SLC38A8: variants seen among roughly 807,000 people sequenced by gnomAD.
The protein encoded by SLC38A8 is amino acid transporter SLC38A8.
In SLC38A8, 65 loss-of-function variants were observed where a neutral mutation model predicts 46.0. That is an observed-to-expected ratio of 1.41 (90% CI 1.16 to 1.74). The LOEUF (loss-of-function observed/expected upper bound fraction) is 1.74. Ranked by LOEUF, SLC38A8 falls within the 40% of genes most tolerant of loss-of-function variation. The pLI, the probability that SLC38A8 is intolerant of heterozygous loss-of-function variation, is 0.00. For missense variants in SLC38A8, 998 were observed against 567.9 expected (o/e 1.76, Z -7.70); for synonymous variants, 447 against 243.7 (o/e 1.83, Z -7.77).
At chr16:84,013,388 C>T (rs1298802918) in intron 9 of SLC38A8, among the ~76,000 whole-genome samples, 4 of 150,032 alleles carry the variant, frequency 2.7e-5, no homozygotes, top group Non-Finnish European at 4.4e-5. Context: ...TGCTCGGCAA[C>T]TGGCAGCTAC....
chr16:84,023,844 A>G (rs2085126106), intron 6 of SLC38A8, among the ~76,000 whole-genome samples: 1 of 152,232 alleles, frequency 6.6e-6, no homozygotes, highest in Non-Finnish European at 1.5e-5. Flanking sequence ...CAGTGAGCCA[A>G]GATCGTGCCA....
At chr16:84,011,351 G>A (rs1419559238) in intron 10 of SLC38A8, among the ~76,000 whole-genome samples, 1 of 152,204 alleles carries the variant, frequency 6.6e-6, no homozygotes, top group African/African-American at 2.4e-5. Context: ...GCGGCTTAGG[G>A]GGTTACCAGA....
At chr16:84,035,144 C>G (rs564092702) in intron 3 of SLC38A8, among the ~76,000 whole-genome samples, 30 of 152,310 alleles carry the variant, frequency 2.0e-4, no homozygotes, top group African/African-American at 7.0e-4. Flanking sequence ...TCAGGGGGCT[C>G]CGCTCCCAGT....
intron 9 of SLC38A8, 146 bp from the exon 10 acceptor site, chr16:84,013,198 C>T (rs2084974934): frequency 1.3e-6 from 1 of 784,508 alleles, no homozygotes; most frequent in Non-Finnish European, 2.1e-6. Context: ...GGAGAGGCAA[C>T]ACAGTGGAGC....
At chr16:84,025,385 G>A (rs1464700699) in intron 6 of SLC38A8, among the ~76,000 whole-genome samples, 1 of 152,174 alleles carries the variant, frequency 6.6e-6, no homozygotes, top group Non-Finnish European at 1.5e-5. Context: ...TTTTCTCCGA[G>A]TCCAGCCAAC....
chr16:84,042,856 C>A (rs1174857624), upstream of SLC38A8, among the ~76,000 whole-genome samples: 2 of 147,590 alleles, frequency 1.4e-5, no homozygotes, highest in Non-Finnish European at 3.0e-5. Context: ...TCCCCAGCCC[C>A]CTGCAGGCCC....
At chr16:84,034,055 TG>T (rs2085275682) in intron 3 of SLC38A8, among the ~76,000 whole-genome samples, 1 of 152,322 alleles carries the variant, frequency 6.6e-6, no homozygotes, top group South Asian at 2.1e-4. Flanking sequence ...TGGCTGGCAG[TG>T]GGGCTGGTCT....
chr16:84,040,872 G>C (rs577669586), intron 2 of SLC38A8, among the ~76,000 whole-genome samples: 2 of 152,174 alleles, frequency 1.3e-5, no homozygotes, highest in Non-Finnish European at 2.9e-5. Context: ...ATGAGGACAG[G>C]GACCACACTG....
chr16:84,018,677 G>A (rs1318060775), intron 7 of SLC38A8, among the ~76,000 whole-genome samples: 1 of 152,162 alleles, frequency 6.6e-6, no homozygotes. Context: ...AATCACATCA[G>A]CAGGAGAAAA....
At chr16:84,036,952 C>T (rs1342192977) in intron 2 of SLC38A8, 52 bp from the exon 3 acceptor site, 5 of 1,517,640 alleles carry the variant, frequency 3.3e-6, no homozygotes, top group African/African-American at 1.4e-5. Flanking sequence ...AGCCCACCCA[C>T]CCCCAGCCAG....
chr16:84,031,411 A>G (rs1256389644), intron 5 of SLC38A8, among the ~76,000 whole-genome samples: 1 of 152,088 alleles, frequency 6.6e-6, no homozygotes, highest in Non-Finnish European at 1.5e-5. Context: ...AAGTCTCCCA[A>G]CTCATCCAGA....
At chr16:84,019,482 G>A (rs2085070961) in intron 7 of SLC38A8, among the ~76,000 whole-genome samples, 1 of 152,186 alleles carries the variant, frequency 6.6e-6, no homozygotes, top group Non-Finnish European at 1.5e-5. Flanking sequence ...TGAGAGCGCT[G>A]CTCTCGACAG....
chr16:84,018,516 G>A (rs887242061), intron 7 of SLC38A8, among the ~76,000 whole-genome samples: 40 of 152,148 alleles, frequency 2.6e-4, no homozygotes, highest in African/African-American at 8.9e-4. Context: ...ACCGTGCCTG[G>A]CCTGGCCCAT....
chr16:84,022,652 G>A, intron 7 of SLC38A8, 123 bp downstream of exon 7: 1 of 723,340 alleles, frequency 1.4e-6, no homozygotes, highest in Non-Finnish European at 2.3e-6. Context: ...GATTAAATAA[G>A]ATGCTCAAAA....
At chr16:84,020,535 C>A (rs2326152) in intron 7 of SLC38A8, among the ~76,000 whole-genome samples, 9 of 152,206 alleles carry the variant, frequency 5.9e-5, no homozygotes, top group East Asian at 1.9e-4. Context: ...GCAACGCACG[C>A]ATCCTGCCAA....
chr16:84,031,996 C>A (rs767422040), intron 4 of SLC38A8, 28 bp from the exon 5 acceptor site: 2 of 1,592,180 alleles, frequency 1.3e-6, no homozygotes, highest in Non-Finnish European at 1.7e-6. Context: ...TGAGGGGCTG[C>A]GCAGTGGGTG....
intron 9 of SLC38A8, 134 bp from the exon 10 acceptor site, chr16:84,013,186 C>T: frequency 1.1e-6 from 1 of 885,990 alleles, no homozygotes; most frequent in Non-Finnish European, 1.8e-6. Flanking sequence ...CTCAGGCCCC[C>T]TGGAGAGGCA....
At chr16:84,029,793 G>C (rs868607916) in intron 5 of SLC38A8, among the ~76,000 whole-genome samples, 3 of 152,210 alleles carry the variant, frequency 2.0e-5, no homozygotes, top group African/African-American at 7.2e-5. Flanking sequence ...CATGTGGGCA[G>C]AATTTGGGCA....
intron 9 of SLC38A8, among the ~76,000 whole-genome samples, chr16:84,014,295 C>T (rs1375393408): frequency 6.6e-6 from 1 of 150,954 alleles, no homozygotes; most frequent in Admixed American, 6.6e-5. Context: ...AAGCCTCGCC[C>T]ACAGCCTGAA....
Sources: gnomAD v4.1 joint callset for allele counts (sites outside exome capture counted in the v4.1 genomes callset) on GRCh38, gnomAD v4.1.1 for gene constraint, MANE v1.5 for transcripts, NCBI Gene and HGNC (gene_info 2026-07-23, HGNC 2026-07-21) for gene names.